The following MECOM variants were observed in gnomAD, a reference collection of about 807,000 sequenced individuals.
MECOM encodes the protein histone-lysine N-methyltransferase MECOM.
A neutral mutation model predicts 116.3 loss-of-function variants in MECOM; 13 were observed. The observed-to-expected ratio is 0.11, with a 90% CI of 0.07 to 0.18. MECOM has a LOEUF of 0.18. Ranked by LOEUF, MECOM falls within the 10% of genes least tolerant of loss-of-function variation. The pLI, the probability that MECOM is intolerant of heterozygous loss-of-function variation, is 1.00. For missense variants in MECOM, 1,299 were observed against 1,509.0 expected (o/e 0.86, Z 2.31); for synonymous variants, 528 against 535.2 (o/e 0.99, Z 0.19).
At chr3:169,568,644 C>G (rs1763529495) in intron 1 of MECOM, among the ~76,000 whole-genome samples, 1 of 152,196 alleles carries the variant, frequency 6.6e-6, no homozygotes, top group East Asian at 1.9e-4. Flanking sequence ...TCAGCAAAGC[C>G]ACTGTAGCCA....
intron 1 of MECOM, among the ~76,000 whole-genome samples, chr3:169,495,527 G>T (rs1024838095): frequency 6.6e-6 from 1 of 152,070 alleles, no homozygotes; most frequent in African/African-American, 2.4e-5. Context: ...TATATTTTTC[G>T]AAAGAATGCT....
chr3:169,146,649 A>G, intron 2 of MECOM: 1 of 1,360,436 alleles, frequency 7.4e-7, no homozygotes, highest in African/African-American at 1.5e-5. Context: ...GTGCCCCGGC[A>G]GGAAACTGTC....
At chr3:169,220,108 C>T (rs1332355262) in intron 2 of MECOM, among the ~76,000 whole-genome samples, 18 of 151,986 alleles carry the variant, frequency 1.2e-4, no homozygotes, top group Admixed American at 1.2e-3. Flanking sequence ...AGGTGGATCA[C>T]TTGAGTTTAG....
chr3:169,597,551 G>C (rs774259640), intron 1 of MECOM, among the ~76,000 whole-genome samples: 1 of 152,202 alleles, frequency 6.6e-6, no homozygotes, highest in Non-Finnish European at 1.5e-5. Flanking sequence ...CAGAGCAGAT[G>C]AGCAGATGTC....
At chr3:169,316,042 A>C (rs899959673) in intron 2 of MECOM, among the ~76,000 whole-genome samples, 1 of 152,226 alleles carries the variant, frequency 6.6e-6, no homozygotes, top group Admixed American at 6.5e-5. Flanking sequence ...AGAGTTTTAG[A>C]AACTAATTAA....
At chr3:169,523,818 TAC>T (rs1174059032) in intron 1 of MECOM, among the ~76,000 whole-genome samples, 2 of 151,526 alleles carry the variant, frequency 1.3e-5, no homozygotes, top group Non-Finnish European at 2.9e-5. Context: ...ATTATATATA[TAC>T]ACACATATAT....
intron 3 of MECOM, chr3:169,133,953 C>T: frequency 7.8e-7 from 1 of 1,289,500 alleles, no homozygotes; most frequent in South Asian, 1.2e-5. Flanking sequence ...TTATTAGCTT[C>T]CTTTCCAACA....
chr3:169,339,673 G>A (rs1039278578), intron 2 of MECOM, among the ~76,000 whole-genome samples: 4 of 152,120 alleles, frequency 2.6e-5, no homozygotes, highest in African/African-American at 4.8e-5. Flanking sequence ...TAAGGTATGA[G>A]AAGCACTGGT....
intron 1 of MECOM, among the ~76,000 whole-genome samples, chr3:169,526,046 T>G (rs1485455877): frequency 1.4e-5 from 2 of 144,938 alleles, no homozygotes; most frequent in Non-Finnish European, 1.5e-5. Context: ...AAAAAAAAAG[T>G]AGCTGGATAC....
chr3:169,344,636 T>C lies in MECOM; in HGVS notation c.375+36551A>G, dbSNP rs1230561812. Among the ~76,000 whole-genome samples, 5 of 152,324 alleles carry C rather than the reference T, an allele frequency of 3.3e-5. No individual in the cohort carries two copies. The East Asian group carries it at 9.6e-4, about 29-fold the overall frequency. On this transcript the variant is annotated intron_variant, in intron 2 of 16. Coordinates refer to ENST00000651503, the MANE Select transcript of MECOM (RefSeq NM_004991.4). ...GATGATCTCTCAAAGGAACCTTTTA[T>C]AGTTATGCAATCATTATCATCTGAA...
intron 1 of MECOM, among the ~76,000 whole-genome samples, chr3:169,571,342 T>A (rs1576933668): frequency 6.6e-6 from 1 of 151,864 alleles, no homozygotes; most frequent in Non-Finnish European, 1.5e-5. Flanking sequence ...AAATAAGAGA[T>A]GACACAAACA....
chr3:169,090,452 TA>T (rs1390441458), intron 14 of MECOM, among the ~76,000 whole-genome samples: 1 of 152,110 alleles, frequency 6.6e-6, no homozygotes, highest in African/African-American at 2.4e-5. Context: ...GTTCAGATTA[TA>T]AATGAAGCCT....
At chr3:169,238,600 A>G (rs1754394723) in intron 2 of MECOM, among the ~76,000 whole-genome samples, 1 of 152,220 alleles carries the variant, frequency 6.6e-6, no homozygotes, top group Admixed American at 6.5e-5. Flanking sequence ...ATTACTAAAT[A>G]AAACAATTTG....
chr3:169,355,094 A>G lies in MECOM; in HGVS notation c.375+26093T>C, dbSNP rs951152887. On this transcript the variant is annotated intron_variant, in intron 2 of 16. Coordinates refer to ENST00000651503, the MANE Select transcript of MECOM (RefSeq NM_004991.4). ...GCAGCATTCAATTTGTCGGGAAAAA[A>G]GGAAGCCACTTAATGGCTCACAATA... Among the ~76,000 whole-genome samples, 10 of 152,092 alleles carry G rather than the reference A, an allele frequency of 6.6e-5. No homozygotes were observed. In the East Asian group the frequency reaches 1.9e-3, roughly 30 times the overall value.
chr3:169,212,865 T>C (rs1238049890), intron 2 of MECOM, among the ~76,000 whole-genome samples: 1 of 151,220 alleles, frequency 6.6e-6, no homozygotes, highest in Non-Finnish European at 1.5e-5. Flanking sequence ...CTTCCTGGAA[T>C]GCTCTCCTGC....
chr3:169,643,997 C>G (rs548916056), intron 1 of MECOM, among the ~76,000 whole-genome samples: 112 of 152,184 alleles, frequency 7.4e-4, no homozygotes, highest in African/African-American at 2.5e-3. Flanking sequence ...CCCCCTCGTA[C>G]GCATTGCCTA....
intron 1 of MECOM, among the ~76,000 whole-genome samples, chr3:169,585,722 G>A (rs1028339135): frequency 6.6e-6 from 1 of 152,184 alleles, no homozygotes; most frequent in Non-Finnish European, 1.5e-5. Flanking sequence ...AGGGTAGGGA[G>A]TTTTATCTGC....
chr3:169,232,728 T>A (rs2149525426), intron 2 of MECOM, among the ~76,000 whole-genome samples: 1 of 152,140 alleles, frequency 6.6e-6, no homozygotes, highest in Non-Finnish European at 1.5e-5. Flanking sequence ...AAATGAGAAT[T>A]TTTTAAAGTA....
intron 16 of MECOM, among the ~76,000 whole-genome samples, chr3:169,087,964 T>C (rs1718379333): frequency 6.6e-6 from 1 of 152,228 alleles, no homozygotes; most frequent in Admixed American, 6.5e-5. Context: ...CCATACATAA[T>C]ATCTCAGAAC....
Sources: allele counts gnomAD v4.1 joint callset (sites outside exome capture counted in the v4.1 genomes callset), GRCh38; gene constraint gnomAD v4.1.1; transcripts MANE v1.5; gene names NCBI Gene and HGNC (gene_info 2026-07-23, HGNC 2026-07-21).